Variants in SGSM1 observed in about 807,000 individuals in gnomAD.
SGSM1 encodes small G protein signaling modulator 1, also known as RUN and TBC1 domain containing 2.
SGSM1 carries 73 observed loss-of-function variants against 133.8 expected under a neutral mutation model. The ratio of observed to expected loss-of-function variants is 0.55; its 90% CI spans 0.45 to 0.66. The LOEUF (loss-of-function observed/expected upper bound fraction) is 0.66. SGSM1 is among the 30% of genes least tolerant of loss of function. The probability of loss-of-function intolerance (pLI) is 0.00; values close to 1 mark genes in which losing one functional copy is unlikely to be tolerated. For synonymous variants in SGSM1, 563 were observed against 573.0 expected, an observed-to-expected ratio of 0.98 and a Z score of 0.25; for missense variants, 1,213 against 1,448.1, an observed-to-expected ratio of 0.84 and a Z score of 2.64.
chr22:24,831,301 C>G lies in SGSM1; in HGVS notation c.64-13596C>G, dbSNP rs549740910. 2.6e-5 allele frequency among the ~76,000 whole-genome samples: 4 copies of G among 152,052 alleles called. No individual in the cohort carries two copies. In the South Asian group the frequency reaches 6.2e-4, roughly 24 times the overall value. On this transcript the variant is annotated intron_variant, in intron 2 of 24. Coordinates refer to ENST00000400358, the MANE Select transcript of SGSM1 (RefSeq NM_001098497.3). ...CATGATGCAGCCTCAGGGGAAGCCT[C>G]GGCCAGCCCTGCGGGGAGTTCCAAG...
rs1292641178 is a variant in SGSM1, at chr22:24,860,861, C to T, written c.926+1021C>T. Reference sequence around the variant, plus strand: ...GTTGCAGTGAGCTGAGATCATACTGCTGCACTCCAGCCTGGGTGACAGAGC... The same window carrying T: ...GTTGCAGTGAGCTGAGATCATACTGTTGCACTCCAGCCTGGGTGACAGAGC... On this transcript the variant is annotated intron_variant, in intron 9 of 24. Coordinates refer to ENST00000400358, the MANE Select transcript of SGSM1 (RefSeq NM_001098497.3). Among the ~76,000 whole-genome samples the T allele has an allele frequency of 2.3e-5, 3 of 131,750 alleles. No homozygotes were observed. In the East Asian group the frequency reaches 6.8e-4, roughly 30 times the overall value. 86.4% of individuals were successfully genotyped at this position (131,750 alleles called of 152,430 possible).
At chr22:24,844,833 AC>A (rs1930001720) in intron 2 of SGSM1, 63 bp from the exon 3 acceptor site, 1 of 1,517,206 alleles carries the variant, frequency 6.6e-7, no homozygotes, top group East Asian at 2.3e-5. Context: ...CTTTTGGGGC[AC>A]CTATACCCAG....
intron 12 of SGSM1, among the ~76,000 whole-genome samples, chr22:24,869,257 G>A (rs1931642251): frequency 6.6e-6 from 1 of 152,176 alleles, no homozygotes; most frequent in Non-Finnish European, 1.5e-5. Context: ...CCGTAATCCT[G>A]GCACTTTGAG....
chr22:24,905,570 A>G (rs1228791088), intron 21 of SGSM1, among the ~76,000 whole-genome samples: 4 of 151,930 alleles, frequency 2.6e-5, no homozygotes, highest in African/African-American at 9.7e-5. Flanking sequence ...GGCGGATCAC[A>G]AGGTCAGGAG....
intron 2 of SGSM1, among the ~76,000 whole-genome samples, chr22:24,811,895 G>A (rs1474803338): frequency 1.3e-5 from 2 of 148,386 alleles, no homozygotes; most frequent in Non-Finnish European, 3.0e-5. Flanking sequence ...ATTATGACCA[G>A]GCATGGTGGC....
intron 2 of SGSM1, among the ~76,000 whole-genome samples, chr22:24,819,596 G>T (rs1028811985): frequency 6.6e-6 from 1 of 152,186 alleles, no homozygotes; most frequent in Non-Finnish European, 1.5e-5. Context: ...CCTTGATCTG[G>T]CACCAGCTAT....
chr22:24,900,859 T>C (rs754313998), intron 19 of SGSM1, among the ~76,000 whole-genome samples: 6 of 152,186 alleles, frequency 3.9e-5, no homozygotes, highest in Admixed American at 6.6e-5. Context: ...GAACATGAGC[T>C]CATATTTCTT....
chr22:24,862,237 A>G (rs139709), intron 9 of SGSM1, among the ~76,000 whole-genome samples: 5,828 of 152,136 alleles, frequency 0.038, 126 homozygotes, highest in Middle Eastern at 0.055. Context: ...GGCGTGAGCC[A>G]CCGCACCCGG....
At chr22:24,877,802 C>CTTTCT (rs1932100040) in intron 13 of SGSM1, among the ~76,000 whole-genome samples, 1 of 75,450 alleles carries the variant, frequency 1.3e-5, no homozygotes, top group Non-Finnish European at 2.4e-5. Flanking sequence ...TTCTTTCTTT[C>CTTTCT]TTTTTTTTTT....
chr22:24,846,376 A>G (rs533298888), intron 3 of SGSM1, among the ~76,000 whole-genome samples: 2 of 152,188 alleles, frequency 1.3e-5, no homozygotes, highest in East Asian at 3.9e-4. Context: ...ACACATGCAC[A>G]TAATTACATA....
At chr22:24,892,313 T>C (rs1161876967) in intron 16 of SGSM1, among the ~76,000 whole-genome samples, 10 of 152,060 alleles carry the variant, frequency 6.6e-5, no homozygotes, top group Non-Finnish European at 1.2e-4. Flanking sequence ...CCCTCTCTTT[T>C]CCCATCCTGG....
At chr22:24,810,304 CCA>C (rs1927661258) in intron 2 of SGSM1, among the ~76,000 whole-genome samples, 1 of 151,922 alleles carries the variant, frequency 6.6e-6, no homozygotes, top group African/African-American at 2.4e-5. Context: ...GCGAGAACAC[CCA>C]CCACGTTAGC....
intron 2 of SGSM1, among the ~76,000 whole-genome samples, chr22:24,822,251 C>G (rs543839452): frequency 1.3e-5 from 2 of 151,892 alleles, no homozygotes; most frequent in Admixed American, 1.3e-4. Context: ...CCACCACGCC[C>G]GGCCAATTTT....
chr22:24,901,950 A>G lies in SGSM1; in HGVS notation c.2728A>G (p.Met910Val). The G allele has an allele frequency of 7.7e-7, 1 of 1,306,960 alleles. No individual in the cohort carries two copies. Among genetic ancestry groups the G allele is most frequent in the East Asian group, 5.3e-5 (1 of 18,780 alleles). The allele number at this position is 1,306,960 out of a possible 1,614,324, so 81.0% of individuals were successfully genotyped here. Residue 910 changes from methionine (M) to valine (V), a missense_variant, in exon 20 of 25, where the codon ATG becomes GTG. Met to Val is a conservative substitution (Grantham distance 21). Coordinates refer to ENST00000400358, the MANE Select transcript of SGSM1 (RefSeq NM_001098497.3). ...CAACTTGGAGAAGCTGCGTAACATC[A>G]TGTGCAGGTGGCTGGGGACAGCGAG... The part of the protein sequence containing the change: ...PANLEKLRNI[M>V]CSYIWQHIEI...
chr22:24,859,684 A>G (rs572110214), intron 8 of SGSM1, 32 bp from the exon 9 acceptor site: 1 of 1,612,892 alleles, frequency 6.2e-7, no homozygotes. Flanking sequence ...CTCCAGCACC[A>G]TGGCCAGACC....
chr22:24,900,288 G>A (rs2123708358), intron 19 of SGSM1, among the ~76,000 whole-genome samples: 1 of 152,100 alleles, frequency 6.6e-6, no homozygotes, highest in Non-Finnish European at 1.5e-5. Context: ...CAGAGTGTTG[G>A]AATGACAGGC....
chr22:24,832,805 G>T (rs1020006361), intron 2 of SGSM1, among the ~76,000 whole-genome samples: 3 of 152,144 alleles, frequency 2.0e-5, no homozygotes, highest in African/African-American at 7.2e-5. Flanking sequence ...CAAGATCAAG[G>T]TAGCTGCAGG....
intron 2 of SGSM1, among the ~76,000 whole-genome samples, chr22:24,817,422 G>C (rs570539485): frequency 4.6e-5 from 7 of 150,952 alleles, no homozygotes; most frequent in South Asian, 2.1e-4. Context: ...GCGCCATCTC[G>C]GCTCCCTGCA....
intron 8 of SGSM1, among the ~76,000 whole-genome samples, chr22:24,857,943 C>T (rs1930903427): frequency 6.6e-6 from 1 of 152,016 alleles, no homozygotes; most frequent in African/African-American, 2.4e-5. Context: ...TGCAGCATTT[C>T]TTGCAAGAAT....
Sources: allele counts gnomAD v4.1 joint callset (sites outside exome capture counted in the v4.1 genomes callset), GRCh38; gene constraint gnomAD v4.1.1; transcripts MANE v1.5; gene names NCBI Gene and HGNC (gene_info 2026-07-23, HGNC 2026-07-21).